Variants in SHROOM4 observed in about 807,000 individuals in gnomAD.
The protein encoded by SHROOM4 is protein Shroom4.
A neutral mutation model predicts 80.3 loss-of-function variants in SHROOM4; 17 were observed. The ratio of observed to expected loss-of-function variants is 0.21; its 90% confidence interval spans 0.14 to 0.32. The LOEUF (loss-of-function observed/expected upper bound fraction) is 0.32, where lower values mean the gene tolerates loss of function less well. Among genes scored for constraint, SHROOM4 ranks in the 10% least tolerant of loss-of-function variants. The pLI is 1.00. For synonymous variants in SHROOM4, 400 were observed against 437.5 expected, an observed-to-expected ratio of 0.91 and a Z score of 1.07; for missense variants, 993 against 1,140.3, an observed-to-expected ratio of 0.87 and a Z score of 1.86.
At chrX:50,800,459 C>G (rs1242000844) in intron 1 of SHROOM4, among the ~76,000 whole-genome samples, 2 of 111,494 alleles carry the variant, frequency 1.8e-5, no homozygotes, top group Non-Finnish European at 3.8e-5. Flanking sequence ...AGAACTCCGG[C>G]ATTTCAGAGG....
intron 6 of SHROOM4, among the ~76,000 whole-genome samples, chrX:50,603,110 C>T (rs957645354): frequency 1.8e-5 from 2 of 111,517 alleles, no homozygotes; most frequent in East Asian, 5.7e-4. Context: ...GAAAACCTGG[C>T]AGGCCTTCTG....
chrX:50,721,710 A>C (rs1934113684), intron 1 of SHROOM4, among the ~76,000 whole-genome samples: 1 of 111,186 alleles, frequency 9.0e-6, no homozygotes, highest in South Asian at 3.8e-4. Context: ...TTCAAGATGG[A>C]GTTGCTCTGG....
intron 1 of SHROOM4, among the ~76,000 whole-genome samples, chrX:50,788,468 G>A (rs781850301): frequency 8.1e-5 from 9 of 110,737 alleles, no homozygotes; most frequent in Admixed American, 6.7e-4. Flanking sequence ...TTAGCCGGGC[G>A]TGGTGGCGGG....
intron 2 of SHROOM4, among the ~76,000 whole-genome samples, chrX:50,658,577 T>G (rs1166668357): frequency 8.9e-6 from 1 of 111,868 alleles, no homozygotes; most frequent in Non-Finnish European, 1.9e-5. Context: ...GGCTTCCTAG[T>G]ACTTATGGGA....
chrX:50,808,503 G>A (rs1346736743), intron 1 of SHROOM4, among the ~76,000 whole-genome samples: 3 of 111,827 alleles, frequency 2.7e-5, no homozygotes, highest in Non-Finnish European at 5.6e-5. Context: ...GGAGCACTGA[G>A]TTAAGTCTGC....
Position 50,592,724 on chromosome X carries a change from C to A in SHROOM4, c.*3971G>T, listed in dbSNP as rs782224436. Reference sequence around the variant, plus strand: ...GCATGAAGGTGTGAGATTGGACTATCAGCTAGAAGTAAGATGAAAATACTA... The same window carrying A: ...GCATGAAGGTGTGAGATTGGACTATAAGCTAGAAGTAAGATGAAAATACTA... On this transcript the variant is annotated 3_prime_UTR_variant, in exon 9 of 9. Transcript: ENST00000376020. 3 of 118,266 alleles carry A rather than the reference C, an allele frequency of 2.5e-5. No individual in the cohort carries two copies. The highest frequency in any genetic ancestry group is 5.3e-5 in the Non-Finnish European group (3 of 56,775). 9.7% of individuals were successfully genotyped at this position (118,266 alleles called of 1,213,427 possible).
intron 3 of SHROOM4, among the ~76,000 whole-genome samples, chrX:50,635,873 T>C (rs1931335687): frequency 9.2e-6 from 1 of 109,059 alleles, no homozygotes; most frequent in Non-Finnish European, 1.9e-5. Flanking sequence ...AGATGATATA[T>C]GGAAAAAAGA....
intron 8 of SHROOM4, among the ~76,000 whole-genome samples, chrX:50,597,852 T>A (rs1345850455): frequency 9.0e-6 from 1 of 111,050 alleles, no homozygotes; most frequent in Non-Finnish European, 1.9e-5. Context: ...ATTATTATTT[T>A]TTTTGAGACA....
intron 1 of SHROOM4, among the ~76,000 whole-genome samples, chrX:50,804,787 T>G (rs1006230654): frequency 1.2e-4 from 13 of 112,187 alleles, no homozygotes; most frequent in African/African-American, 3.9e-4. Flanking sequence ...GATCCCACCA[T>G]GTCTAGGCTT....
At chrX:50,665,097 A>T (rs144073835) in intron 2 of SHROOM4, among the ~76,000 whole-genome samples, 1 of 111,551 alleles carries the variant, frequency 9.0e-6, no homozygotes, top group African/African-American at 3.3e-5. Context: ...AATACAAATG[A>T]CATTTTTCCA....
At chrX:50,804,790 C>G (rs1405432030) in intron 1 of SHROOM4, among the ~76,000 whole-genome samples, 1 of 112,099 alleles carries the variant, frequency 8.9e-6, no homozygotes, top group Non-Finnish European at 1.9e-5. Flanking sequence ...CCCACCATGT[C>G]TAGGCTTTGA....
At chrX:50,790,770 T>G (rs1935836106) in intron 1 of SHROOM4, among the ~76,000 whole-genome samples, 1 of 111,041 alleles carries the variant, frequency 9.0e-6, no homozygotes, top group African/African-American at 3.3e-5. Flanking sequence ...CTCAACAAAC[T>G]AGAAATAGAA....
chrX:50,640,658 C>T (rs782627686), intron 2 of SHROOM4, among the ~76,000 whole-genome samples: 1 of 111,884 alleles, frequency 8.9e-6, no homozygotes, highest in African/African-American at 3.2e-5. Context: ...TACTCTGTCC[C>T]ACATCAAACG....
intron 2 of SHROOM4, among the ~76,000 whole-genome samples, chrX:50,642,862 G>A (rs1172856314): frequency 8.9e-6 from 1 of 111,768 alleles, no homozygotes; most frequent in Non-Finnish European, 1.9e-5. Flanking sequence ...GCAGAATTGG[G>A]AATGAAACTC....
chrX:50,661,147 A>G (rs782289005), intron 2 of SHROOM4, among the ~76,000 whole-genome samples: 5 of 110,520 alleles, frequency 4.5e-5, no homozygotes, highest in Non-Finnish European at 7.6e-5. Flanking sequence ...TTAAATTTCA[A>G]CTTTCGTGTT....
intron 1 of SHROOM4, among the ~76,000 whole-genome samples, chrX:50,740,189 G>T (rs782520766): frequency 1.1e-5 from 1 of 90,601 alleles, no homozygotes; most frequent in East Asian, 3.6e-4. Context: ...TTGTGGGGTC[G>T]GGGGAGAGGG....
At chrX:50,755,647 A>C (rs1020106453) in intron 1 of SHROOM4, among the ~76,000 whole-genome samples, 2 of 112,246 alleles carry the variant, frequency 1.8e-5, no homozygotes, top group African/African-American at 6.5e-5. Flanking sequence ...TCATCAATGA[A>C]ATAGAAGCAG....
At chrX:50,664,021 C>A (rs1932606396) in intron 2 of SHROOM4, among the ~76,000 whole-genome samples, 1 of 112,057 alleles carries the variant, frequency 8.9e-6, no homozygotes, top group Non-Finnish European at 1.9e-5. Context: ...TTGGAAAATG[C>A]CTTTTTAAAA....
chrX:50,718,344 G>A (rs781899552), intron 1 of SHROOM4, among the ~76,000 whole-genome samples: 1 of 111,748 alleles, frequency 8.9e-6, no homozygotes, highest in East Asian at 2.8e-4. Flanking sequence ...AACCAATATA[G>A]CAGCAGCAGC....
Sources: allele counts gnomAD v4.1 joint callset (sites outside exome capture counted in the v4.1 genomes callset), GRCh38; gene constraint gnomAD v4.1.1; transcripts MANE v1.5; gene names NCBI Gene and HGNC (gene_info 2026-07-23, HGNC 2026-07-21).